SRPK2: variants seen among roughly 807,000 people sequenced by gnomAD.
SRPK2 encodes SFRS protein kinase 2.
Under a neutral mutation model 90.8 loss-of-function variants are expected in SRPK2, and 21 were observed. The observed-to-expected ratio is 0.23, with a 90% CI of 0.16 to 0.33. The LOEUF (loss-of-function observed/expected upper bound fraction) is 0.33, where lower values mean the gene tolerates loss of function less well. SRPK2 is among the 10% of genes least tolerant of loss of function. The pLI, the probability that SRPK2 is intolerant of heterozygous loss-of-function variation, is 1.00. For missense variants in SRPK2, 620 were observed against 869.0 expected (o/e 0.71, Z 3.60); for synonymous variants, 288 against 311.1 (o/e 0.93, Z 0.78).
chr7:105,139,276 C>G (rs1803342611), intron 11 of SRPK2, among the ~76,000 whole-genome samples: 1 of 152,078 alleles, frequency 6.6e-6, no homozygotes, highest in African/African-American at 2.4e-5. Context: ...GAACACAAAG[C>G]CAAGACACCA....
chr7:105,204,605 G>A (rs917446334), intron 2 of SRPK2: 29 of 582,850 alleles, frequency 5.0e-5, no homozygotes, highest in Admixed American at 7.1e-5. Flanking sequence ...TGAAGATGAC[G>A]GCTGCTGTGG....
intron 3 of SRPK2, among the ~76,000 whole-genome samples, chr7:105,178,184 T>C (rs1792241740): frequency 6.6e-6 from 1 of 152,022 alleles, no homozygotes; most frequent in South Asian, 2.1e-4. Flanking sequence ...AAAGCACAAT[T>C]TAAATTACAT....
chr7:105,299,768 C>T (rs923737163), intron 2 of SRPK2, among the ~76,000 whole-genome samples: 1 of 152,064 alleles, frequency 6.6e-6, no homozygotes, highest in African/African-American at 2.4e-5. Context: ...GTGGAGGGTG[C>T]CTGTAATCTC....
intron 2 of SRPK2, chr7:105,301,681 T>C (rs1206205097): frequency 5.0e-6 from 8 of 1,611,562 alleles, no homozygotes; most frequent in Non-Finnish European, 6.8e-6. Flanking sequence ...GACAGAAACA[T>C]ATCCCCAAAC....
intron 2 of SRPK2, among the ~76,000 whole-genome samples, chr7:105,330,433 T>C (rs1814173874): frequency 6.6e-6 from 1 of 152,114 alleles, no homozygotes; most frequent in Non-Finnish European, 1.5e-5. Flanking sequence ...TCTCCATTTC[T>C]ATTCATTCCA....
At chr7:105,347,943 C>T (rs1449109644) in intron 2 of SRPK2, among the ~76,000 whole-genome samples, 7 of 151,758 alleles carry the variant, frequency 4.6e-5, no homozygotes, top group Non-Finnish European at 1.0e-4. Flanking sequence ...GTCTCAACTA[C>T]TCATGAAAGA....
chr7:105,248,208 G>A (rs1801978060), intron 2 of SRPK2, among the ~76,000 whole-genome samples: 1 of 152,048 alleles, frequency 6.6e-6, no homozygotes. Context: ...CTTAAAGGAA[G>A]CAAATTTTAT....
intron 3 of SRPK2, 120 bp from the exon 4 acceptor site, chr7:105,169,385 A>G: frequency 1.4e-6 from 1 of 697,156 alleles, no homozygotes; most frequent in East Asian, 2.7e-5. Flanking sequence ...CATGCAGACT[A>G]AAACATGTTT....
chr7:105,144,327 A>G (rs914298953), intron 9 of SRPK2, among the ~76,000 whole-genome samples: 1 of 148,304 alleles, frequency 6.7e-6, no homozygotes, highest in Non-Finnish European at 1.5e-5. Flanking sequence ...TGCAACCGTT[A>G]CCTCCTGGGC....
At chr7:105,335,955 TA>T (rs1251192705) in intron 2 of SRPK2, among the ~76,000 whole-genome samples, 222 of 140,656 alleles carry the variant, frequency 1.6e-3, no homozygotes, top group African/African-American at 3.4e-3. Context: ...AAACTCCATC[TA>T]AAAAAAAAAA....
intron 2 of SRPK2, among the ~76,000 whole-genome samples, chr7:105,371,073 T>C (rs945807295): frequency 3.3e-5 from 5 of 152,090 alleles, no homozygotes; most frequent in African/African-American, 1.2e-4. Context: ...TATGCCCAAA[T>C]GTAAGTCAAG....
chr7:105,257,181 T>C (rs1300355530), intron 2 of SRPK2, among the ~76,000 whole-genome samples: 1 of 152,142 alleles, frequency 6.6e-6, no homozygotes, highest in South Asian at 2.1e-4. Context: ...TAGCAGCTGC[T>C]GAAAAAAATG....
chr7:105,135,213 A>G (rs977893844), intron 11 of SRPK2, among the ~76,000 whole-genome samples: 2 of 152,214 alleles, frequency 1.3e-5, no homozygotes, highest in Admixed American at 1.3e-4. Context: ...AATATCTACA[A>G]GTTGTAAGAC....
At chr7:105,247,513 A>G (rs377146919) in intron 2 of SRPK2, among the ~76,000 whole-genome samples, 138 of 88,412 alleles carry the variant, frequency 1.6e-3, no homozygotes, top group African/African-American at 4.4e-3. Context: ...TACATACCAA[A>G]AAACACACAC....
intron 2 of SRPK2, chr7:105,298,835 G>T: frequency 1.0e-6 from 1 of 976,206 alleles, no homozygotes; most frequent in East Asian, 1.1e-4. Flanking sequence ...CACAATGCCA[G>T]CAAGAGAACC....
Position 105,128,002 on chromosome 7 carries a change from T to G in SRPK2, c.1753-940A>C, listed in dbSNP as rs561552503. ...CCCAAGGAGCCAATACTGGGGAAAC[T>G]TCACTGCATCAACCTACCTTCTTTT... On this transcript the variant is annotated intron_variant, in intron 13 of 15. Transcript: ENST00000393651. Among the ~76,000 whole-genome samples the G allele has an allele frequency of 1.1e-4, 16 of 152,246 alleles. No individual in the cohort carries two copies. The East Asian group carries it at 2.3e-3, about 22-fold the overall frequency.
At chr7:105,150,507 CTCTG>C (rs1400027327) in intron 7 of SRPK2, among the ~76,000 whole-genome samples, 1 of 152,166 alleles carries the variant, frequency 6.6e-6, no homozygotes, top group African/African-American at 2.4e-5. Flanking sequence ...CAGAATAAAA[CTCTG>C]TCTAAAAGGA....
At chr7:105,364,695 C>T (rs1439318949) in intron 2 of SRPK2, among the ~76,000 whole-genome samples, 7 of 152,068 alleles carry the variant, frequency 4.6e-5, no homozygotes, top group Non-Finnish European at 8.8e-5. Flanking sequence ...AGCCACCGCG[C>T]CTGGCCGAGT....
At chr7:105,195,394 TTC>T (rs1382800472) in intron 3 of SRPK2, among the ~76,000 whole-genome samples, 2 of 152,344 alleles carry the variant, frequency 1.3e-5, no homozygotes, top group African/African-American at 4.8e-5. Context: ...AACACCAGGA[TTC>T]TGTTTCTACT....
Sources: gnomAD v4.1 joint callset for allele counts (sites outside exome capture counted in the v4.1 genomes callset) on GRCh38, gnomAD v4.1.1 for gene constraint, MANE v1.5 for transcripts, NCBI Gene and HGNC (gene_info 2026-07-23, HGNC 2026-07-21) for gene names.